RP1: variants seen among roughly 807,000 people sequenced by gnomAD.
RP1 encodes the protein RP1 axonemal microtubule associated, also known as oxygen-regulated protein 1.
In RP1, 16 loss-of-function variants were observed where a neutral mutation model predicts 14.8. The observed-to-expected ratio is 1.08, with a 90% CI of 0.73 to 1.65. The LOEUF is 1.65. RP1 is among the 40% of genes most tolerant of loss of function. The pLI is 0.00. For missense variants in RP1, 2,631 were observed against 2,535.0 expected (o/e 1.04, Z -0.81); for synonymous variants, 876 against 883.6 (o/e 0.99, Z 0.15).
chr8:54,624,666 A>G lies in RP1; in HGVS notation c.788-4A>G. Reference sequence around the variant, plus strand: ...GGCACCTTTTACTCTTAAAATCTTTAAAGTAAGCACACATATGTCTTCAAG... The same window carrying G: ...GGCACCTTTTACTCTTAAAATCTTTGAAGTAAGCACACATATGTCTTCAAG... On this transcript the variant is annotated splice_polypyrimidine_tract_variant and splice_region_variant and intron_variant, in intron 3 of 3. Coordinates refer to ENST00000220676, the MANE Select transcript of RP1 (RefSeq NM_006269.2). 1 of 1,613,548 alleles carries G rather than the reference A, an allele frequency of 6.2e-7. No homozygotes were observed.
intron 14 of RP1, among the ~76,000 whole-genome samples, chr8:54,703,694 T>G (rs1444495363): frequency 6.6e-6 from 1 of 152,226 alleles, no homozygotes; most frequent in Non-Finnish European, 1.5e-5. Context: ...GAAAGTCATG[T>G]GTGGCATCTT....
rs533497407 is a variant in RP1 at position 54,604,717 on chromosome 8, C to T, written c.-12-16238C>T. On this transcript the variant is annotated intron_variant, in intron 1 of 22. Coordinates refer to the RP1 transcript ENST00000636932. ...ATTAATTATTGCCTCAATTTCAGAG[C>T]CTGTTATTGGTCTATTCAGAGATTC... Among the ~76,000 whole-genome samples the T allele has an allele frequency of 2.2e-4, 33 of 152,252 alleles. No individual in the cohort carries two copies. The East Asian group carries it at 6.2e-3, about 28-fold the overall frequency.
chr8:54,766,643 A>C (rs1009091815), intron 22 of RP1, among the ~76,000 whole-genome samples: 3 of 152,174 alleles, frequency 2.0e-5, no homozygotes, highest in Non-Finnish European at 2.9e-5. Context: ...ACTAAATAAA[A>C]TCTGTACTAC....
intron 1 of RP1, among the ~76,000 whole-genome samples, chr8:54,590,674 CCA>C (rs1436662862): frequency 1.8e-4 from 28 of 152,266 alleles, no homozygotes; most frequent in Middle Eastern, 3.4e-3. Context: ...AAAATTATCT[CCA>C]GTTATGTAGT....
At chr8:54,696,183 A>G (rs1018747743) in intron 12 of RP1, among the ~76,000 whole-genome samples, 1 of 152,184 alleles carries the variant, frequency 6.6e-6, no homozygotes, top group Non-Finnish European at 1.5e-5. Flanking sequence ...AGATGAATAT[A>G]CACATATAGT....
chr8:54,592,968 C>T (rs1394909759), intron 1 of RP1, among the ~76,000 whole-genome samples: 4 of 152,064 alleles, frequency 2.6e-5, no homozygotes, highest in Admixed American at 2.6e-4. Flanking sequence ...ATCAGCTGGC[C>T]CCCTACAGGC....
At position 54,629,968 on chromosome 8, in the gene RP1, A is replaced by G. The variant is rs1563333697; in HGVS notation, c.6086A>G (p.Lys2029Arg). 1.2e-6 allele frequency: 2 copies of G among 1,614,044 alleles called. No individual in the cohort carries two copies. The highest frequency in any genetic ancestry group is 1.1e-5 in the South Asian group (1 of 91,076). ...TTAAAGAAATTTCAACCAGATTTGA[A>G]GGAAAGGTTTTGTATGAATTTCTTG... ...GNLKKFQPDL[K>R]ERFCMNFLHT... The change falls in exon 4 of 4, where the codon AAG becomes AGG. Residue 2029 changes from lysine to arginine, a missense_variant. Lys to Arg is a conservative substitution (Grantham distance 26, BLOSUM62 2). Coordinates refer to ENST00000220676, the MANE Select transcript of RP1 (RefSeq NM_006269.2).
At chr8:54,845,238 G>A (rs1435755438) in intron 25 of RP1, among the ~76,000 whole-genome samples, 1 of 152,162 alleles carries the variant, frequency 6.6e-6, no homozygotes, top group Non-Finnish European at 1.5e-5. Context: ...TGCCTGGGAA[G>A]GTGGCCTAGA....
chr8:54,652,523 C>G (rs1457399799), intron 4 of RP1, among the ~76,000 whole-genome samples: 2 of 151,996 alleles, frequency 1.3e-5, no homozygotes, highest in Non-Finnish European at 2.9e-5. Context: ...ATTCTTTTCT[C>G]TACTTGTTCT....
intron 25 of RP1, among the ~76,000 whole-genome samples, chr8:54,850,207 A>C (rs886251080): frequency 5.3e-5 from 8 of 152,226 alleles, no homozygotes; most frequent in African/African-American, 1.9e-4. Flanking sequence ...CACTTCTAAA[A>C]AATGGCACTT....
At chr8:54,586,275 T>C (rs1284581580) in intron 1 of RP1, among the ~76,000 whole-genome samples, 1 of 152,194 alleles carries the variant, frequency 6.6e-6, no homozygotes, top group Non-Finnish European at 1.5e-5. Flanking sequence ...CAGACCCTGT[T>C]TGCCTGGGTA....
intron 1 of RP1, among the ~76,000 whole-genome samples, chr8:54,579,111 C>A (rs1000630044): frequency 2.6e-5 from 4 of 152,186 alleles, no homozygotes; most frequent in African/African-American, 9.6e-5. Context: ...GTTTCAAAAG[C>A]TGCGCTGGTG....
chr8:54,839,455 G>A (rs1811741623), intron 25 of RP1, among the ~76,000 whole-genome samples: 1 of 152,190 alleles, frequency 6.6e-6, no homozygotes, highest in Non-Finnish European at 1.5e-5. Flanking sequence ...ATTCGGATAG[G>A]GGTCCTGTTC....
At chr8:54,865,091 A>T (rs1458479916) in intron 27 of RP1, among the ~76,000 whole-genome samples, 1 of 152,114 alleles carries the variant, frequency 6.6e-6, no homozygotes, top group African/African-American at 2.4e-5. Context: ...CCAAATTCTT[A>T]AATTTTTATA....
intron 1 of RP1, among the ~76,000 whole-genome samples, chr8:54,605,971 A>T (rs1162631377): frequency 4.6e-5 from 7 of 151,442 alleles, no homozygotes; most frequent in African/African-American, 1.7e-4. Context: ...AATACAGCAC[A>T]CTGATGGGTC....
chr8:54,696,756 T>C, intron 12 of RP1: 1 of 725,128 alleles, frequency 1.4e-6, no homozygotes. Context: ...AGTGGTGTCT[T>C]GGTAAAAGTC....
intron 14 of RP1, among the ~76,000 whole-genome samples, chr8:54,703,259 G>A (rs1808068897): frequency 6.6e-6 from 1 of 152,048 alleles, no homozygotes; most frequent in African/African-American, 2.4e-5. Flanking sequence ...TAAATAATAA[G>A]GCTTGAAAAT....
chr8:54,575,506 T>A (rs535923646), intron 1 of RP1, among the ~76,000 whole-genome samples: 1 of 152,304 alleles, frequency 6.6e-6, no homozygotes, highest in South Asian at 2.1e-4. Context: ...GGAATAGCCA[T>A]CCCCTCACAT....
chr8:54,679,552 G>A (rs1339281377), intron 10 of RP1: 8 of 1,535,822 alleles, frequency 5.2e-6, no homozygotes, highest in Non-Finnish European at 6.1e-6. Flanking sequence ...ACTGGAGAAA[G>A]CATGACACTT....
Sources: allele counts gnomAD v4.1 joint callset (sites outside exome capture counted in the v4.1 genomes callset), GRCh38; gene constraint gnomAD v4.1.1; transcripts MANE v1.5; gene names NCBI Gene and HGNC (gene_info 2026-07-23, HGNC 2026-07-21).